The following ASTN2 variants were observed in gnomAD, a reference collection of about 807,000 sequenced individuals.
ASTN2 encodes the protein astrotactin-2.
ASTN2 carries 54 observed loss-of-function variants against 139.8 expected under a neutral mutation model. That is an observed-to-expected ratio of 0.39 (90% CI 0.31 to 0.48). The LOEUF (loss-of-function observed/expected upper bound fraction) is 0.48. Ranked by LOEUF, ASTN2 falls within the 20% of genes least tolerant of loss-of-function variation. The pLI is 0.95. For synonymous variants in ASTN2, 756 were observed against 719.5 expected (o/e 1.05, Z -0.81); for missense variants, 1,565 against 1,725.1 (o/e 0.91, Z 1.64).
intron 17 of ASTN2, among the ~76,000 whole-genome samples, chr9:116,632,179 AG>A (rs1564168775): frequency 3.5e-4 from 7 of 19,812 alleles, no homozygotes; most frequent in African/African-American, 1.4e-3. Context: ...AGAGAGAGAG[AG>A]AGAGGGAGAG....
At chr9:117,289,223 G>A (rs1834525368) in intron 2 of ASTN2, among the ~76,000 whole-genome samples, 1 of 152,198 alleles carries the variant, frequency 6.6e-6, no homozygotes, top group Non-Finnish European at 1.5e-5. Flanking sequence ...CTGAATGGGG[G>A]AAGGAACTTT....
chr9:117,110,442 T>C (rs1829222132), intron 4 of ASTN2, among the ~76,000 whole-genome samples: 1 of 152,188 alleles, frequency 6.6e-6, no homozygotes, highest in Non-Finnish European at 1.5e-5. Context: ...TGTTAGAATA[T>C]TAGGCTTTGA....
intron 1 of ASTN2, among the ~76,000 whole-genome samples, chr9:117,336,261 CT>C: frequency 6.6e-6 from 1 of 152,192 alleles, no homozygotes; most frequent in African/African-American, 2.4e-5. Flanking sequence ...GGGAATAATC[CT>C]TTGTAAGATG....
Position 116,508,138 on chromosome 9 carries a change from G to A in ASTN2, c.3356-20638C>T, listed in dbSNP as rs139580513. 3.6e-3 allele frequency among the ~76,000 whole-genome samples: 545 copies of A among 152,218 alleles called. 4 individuals carry two copies. Among genetic ancestry groups the A allele is most frequent in the African/African-American group, 0.013 (520 of 41,526 alleles). On this transcript the variant is annotated intron_variant, in intron 19 of 22. Coordinates refer to ENST00000313400, the MANE Select transcript of ASTN2 (RefSeq NM_001365068.1). ...ACTCCCAACCTCAGGTGATCCACCC[G>A]CCTTGGCCTCCCAAAGTGCTTGGAT...
intron 3 of ASTN2, among the ~76,000 whole-genome samples, chr9:117,163,096 G>A (rs1485143592): frequency 6.6e-6 from 1 of 152,028 alleles, no homozygotes; most frequent in Non-Finnish European, 1.5e-5. Context: ...CTACACGGAA[G>A]CCCCAGAGGG....
chr9:116,507,976 C>A (rs1850184505), intron 19 of ASTN2, among the ~76,000 whole-genome samples: 1 of 152,176 alleles, frequency 6.6e-6, no homozygotes, highest in East Asian at 1.9e-4. Context: ...GCAACCTCCA[C>A]CTCCTGGGTT....
rs144172952 is a variant in ASTN2, at chr9:116,700,216, A to T, written c.2806+25555T>A. The T allele has an allele frequency of 1.4e-3, 272 of 194,988 alleles. 3 individuals are homozygous for T. Among genetic ancestry groups the T allele is most frequent in the Non-Finnish European group, 6.8e-4 (58 of 85,850 alleles). The allele number at this position is 194,988 out of a possible 1,614,324, so 12.1% of individuals were successfully genotyped here. ...TAAGACATCATATTCCCGTAACATTATGTCTCAGTCTGATCGTCTTTACCA... is the reference window on the plus strand; with the variant it reads ...TAAGACATCATATTCCCGTAACATTTTGTCTCAGTCTGATCGTCTTTACCA... On this transcript the variant is annotated intron_variant, in intron 16 of 22. Transcript: ENST00000313400.
intron 2 of ASTN2, among the ~76,000 whole-genome samples, chr9:117,282,211 C>T (rs1038722501): frequency 7.9e-5 from 12 of 152,216 alleles, no homozygotes; most frequent in East Asian, 3.8e-4. Context: ...GTAATTTCAA[C>T]GTACCTAGTA....
At chr9:116,980,206 G>A (rs571723206) in intron 7 of ASTN2, among the ~76,000 whole-genome samples, 75 of 152,112 alleles carry the variant, frequency 4.9e-4, no homozygotes, top group Non-Finnish European at 9.0e-4. Context: ...GAATAGGGAT[G>A]ATAGCAATGT....
At chr9:117,046,774 C>T (rs952157247) in intron 5 of ASTN2, among the ~76,000 whole-genome samples, 3 of 152,188 alleles carry the variant, frequency 2.0e-5, no homozygotes, top group Non-Finnish European at 4.4e-5. Flanking sequence ...TTATGCTCTC[C>T]TATTTCCAGT....
At chr9:116,517,238 T>G (rs1850688314) in intron 19 of ASTN2, among the ~76,000 whole-genome samples, 1 of 152,130 alleles carries the variant, frequency 6.6e-6, no homozygotes, top group Non-Finnish European at 1.5e-5. Context: ...AAAACACAAC[T>G]GAGGACCATC....
intron 7 of ASTN2, among the ~76,000 whole-genome samples, chr9:117,003,951 CGCGTGT>C (rs1417927809): frequency 1.5e-5 from 2 of 130,986 alleles, no homozygotes; most frequent in South Asian, 5.0e-4. Flanking sequence ...CGCGCGCGCG[CGCGTGT>C]GTGTGTGTGT....
At chr9:117,304,584 A>T (rs1321876070) in intron 1 of ASTN2, among the ~76,000 whole-genome samples, 2 of 152,060 alleles carry the variant, frequency 1.3e-5, no homozygotes, top group Non-Finnish European at 2.9e-5. Flanking sequence ...CTGATTTGAG[A>T]GTGAGTGAGT....
chr9:117,252,454 T>G (rs897849306), intron 2 of ASTN2, among the ~76,000 whole-genome samples: 5 of 152,176 alleles, frequency 3.3e-5, no homozygotes, highest in Non-Finnish European at 5.9e-5. Context: ...CTTGCTGATA[T>G]TCTCAAAGTG....
At chr9:116,742,924 G>A (rs1423487018) in intron 13 of ASTN2, among the ~76,000 whole-genome samples, 1 of 152,192 alleles carries the variant, frequency 6.6e-6, no homozygotes, top group Non-Finnish European at 1.5e-5. Context: ...GACATTGGCT[G>A]TGTGTTCCAA....
chr9:117,333,544 G>A (rs987923765), intron 1 of ASTN2, among the ~76,000 whole-genome samples: 8 of 152,114 alleles, frequency 5.3e-5, no homozygotes, highest in Admixed American at 3.3e-4. Flanking sequence ...GTTATTGCAG[G>A]GGGGGTTGGA....
At chr9:116,528,535 AC>A (rs1851191269) in intron 19 of ASTN2, among the ~76,000 whole-genome samples, 1 of 152,206 alleles carries the variant, frequency 6.6e-6, no homozygotes, top group Admixed American at 6.5e-5. Flanking sequence ...GAAAAGAAAA[AC>A]CCATTTTTTG....
intron 16 of ASTN2, among the ~76,000 whole-genome samples, chr9:116,709,247 A>G (rs1828076023): frequency 6.6e-6 from 1 of 152,154 alleles, no homozygotes; most frequent in East Asian, 1.9e-4. Flanking sequence ...CACCACCCTC[A>G]GCCCCTTGCT....
intron 22 of ASTN2, among the ~76,000 whole-genome samples, chr9:116,428,113 G>C (rs1244384064): frequency 6.6e-6 from 1 of 152,248 alleles, no homozygotes; most frequent in African/African-American, 2.4e-5. Flanking sequence ...AGTCACGAGA[G>C]CTGTGTGAAG....
Sources: gnomAD v4.1 joint callset for allele counts (sites outside exome capture counted in the v4.1 genomes callset) on GRCh38, gnomAD v4.1.1 for gene constraint, MANE v1.5 for transcripts, NCBI Gene and HGNC (gene_info 2026-07-23, HGNC 2026-07-21) for gene names.